SLC25A20: variants seen among roughly 807,000 people sequenced by gnomAD.
The protein encoded by SLC25A20 is mitochondrial carnitine/acylcarnitine carrier protein.
Under a neutral mutation model 39.7 loss-of-function variants are expected in SLC25A20, and 29 were observed. The observed-to-expected ratio is 0.73, with a 90% CI of 0.54 to 1.00. The LOEUF (loss-of-function observed/expected upper bound fraction) is 1.00. Among genes scored for constraint, SLC25A20 ranks in the 50% least tolerant of loss-of-function variants. The pLI is 0.00. For missense variants in SLC25A20, 333 were observed against 379.9 expected (o/e 0.88, Z 1.03); for synonymous variants, 103 against 142.2 (o/e 0.72, Z 1.96).
intron 1 of SLC25A20, among the ~76,000 whole-genome samples, chr3:48,894,173 A>C (rs2083896887): frequency 7.5e-6 from 1 of 133,188 alleles, no homozygotes. Flanking sequence ...AAAAAAAAAA[A>C]AGAAGAAGAT....
intron 4 of SLC25A20, among the ~76,000 whole-genome samples, chr3:48,879,025 T>G (rs1015819182): frequency 1.3e-5 from 2 of 151,904 alleles, no homozygotes; most frequent in Non-Finnish European, 2.9e-5. Context: ...TGCCCACCAC[T>G]ATACCTGGCT....
intron 4 of SLC25A20, among the ~76,000 whole-genome samples, chr3:48,871,175 T>G (rs1417158858): frequency 1.3e-5 from 2 of 151,998 alleles, no homozygotes; most frequent in Non-Finnish European, 2.9e-5. Context: ...CTTCCTGGAT[T>G]GGAGGATTCA....
chr3:48,890,273 G>A (rs1013393309), intron 2 of SLC25A20, among the ~76,000 whole-genome samples: 1 of 151,978 alleles, frequency 6.6e-6, no homozygotes, highest in Non-Finnish European at 1.5e-5. Context: ...TGCAAGCTCC[G>A]CCTCCTGGGT....
chr3:48,877,368 G>A (rs1458951693), intron 4 of SLC25A20, among the ~76,000 whole-genome samples: 1 of 149,954 alleles, frequency 6.7e-6, no homozygotes, highest in Non-Finnish European at 1.5e-5. Flanking sequence ...GAGCCAAGGA[G>A]TGCAATGGCG....
In SLC25A20 at chr3:48,859,570, G is replaced by A; in HGVS notation, c.593C>T (p.Thr198Ile). 1 of 1,613,914 alleles carries A rather than the reference G, an allele frequency of 6.2e-7. No homozygotes were observed. Among genetic ancestry groups the A allele is most frequent in the Non-Finnish European group, 8.5e-7 (1 of 1,179,790 alleles). Residue 198 changes from threonine to isoleucine, a missense_variant, in exon 6 of 9, where the codon ACT (threonine) becomes ATT (isoleucine). Physicochemically the swap from Thr to Ile is moderately conservative, Grantham distance 89 (BLOSUM62 -1). Coordinates refer to ENST00000319017, the MANE Select transcript of SLC25A20 (RefSeq NM_000387.6). ...TTTTCCTCACCTCTTTCCCTCCGGA[G>A]TGAAGATATTTTTCAGCCATTCATA... ...MTYEWLKNIF[T>I]PEGKRVSELS...
chr3:48,884,239 C>T, intron 2 of SLC25A20, 115 bp from the exon 3 acceptor site: 1 of 1,316,868 alleles, frequency 7.6e-7, no homozygotes, highest in South Asian at 1.2e-5. Flanking sequence ...CTTCTTGAAG[C>T]AAGGAGAACT....
At chr3:48,883,562 G>GA (rs71077749) in intron 3 of SLC25A20, among the ~76,000 whole-genome samples, 10,432 of 105,428 alleles carry the variant, frequency 0.099, 520 homozygotes, top group Middle Eastern at 0.16. Context: ...AAAAAAGAAA[G>GA]AAAAAAAAAA....
chr3:48,878,273 A>AAAATAT (rs1274688337), intron 4 of SLC25A20, among the ~76,000 whole-genome samples: 1 of 127,670 alleles, frequency 7.8e-6, no homozygotes, highest in Admixed American at 8.5e-5. Context: ...AAAAAAAAAA[A>AAAATAT]ATATATATAT....
Position 48,884,104 on chromosome 3 carries a change from C to G in SLC25A20, c.219G>C (p.Arg73=). The G allele has an allele frequency of 2.5e-6, 4 of 1,613,646 alleles. No individual in the cohort carries two copies. The highest frequency in any genetic ancestry group is 3.4e-6 in the Non-Finnish European group (4 of 1,179,670). The change falls in exon 3 of 9, where the codon CGG becomes CGC. Residue 73 remains arginine, a synonymous_variant. Coordinates refer to ENST00000319017, the MANE Select transcript of SLC25A20 (RefSeq NM_000387.6). ...LFREGITGLY[R]GMAAPIIGVT... ...CCCCGATGATAGGGGCAGCCATTCCCCGATATAGCCCCGTGATGCCCTGCA... is the reference window on the plus strand; with the variant it reads ...CCCCGATGATAGGGGCAGCCATTCCGCGATATAGCCCCGTGATGCCCTGCA...
chr3:48,890,953 C>T (rs193094662), intron 2 of SLC25A20, among the ~76,000 whole-genome samples: 3 of 152,136 alleles, frequency 2.0e-5, no homozygotes, highest in Non-Finnish European at 2.9e-5. Context: ...CGCGCCCAGC[C>T]ACCCCCTTGT....
At chr3:48,893,004 C>T (rs931843767) in intron 1 of SLC25A20, among the ~76,000 whole-genome samples, 4 of 152,044 alleles carry the variant, frequency 2.6e-5, no homozygotes, top group East Asian at 3.9e-4. Flanking sequence ...TCCATATCTT[C>T]AATACTTATT....
At chr3:48,867,930 G>A (rs1217999484) in intron 4 of SLC25A20, among the ~76,000 whole-genome samples, 1 of 151,854 alleles carries the variant, frequency 6.6e-6, no homozygotes, top group African/African-American at 2.4e-5. Context: ...GCGTGGAGGT[G>A]CATGCCTGTA....
chr3:48,859,624 A>C lies in SLC25A20; in HGVS notation c.539T>G (p.Val180Gly). The stretch of plus-strand genomic sequence containing the variant: ...CATGAAATACATTCCACTAGCTGGG[A>C]CATCTGTTAGTGGCAAGAAAAAGGT... ...KGTVLTLMRD[V>G]PASGMYFMTY... The change falls in exon 6 of 9, where the codon GTC becomes GGC. Residue 180 changes from valine to glycine, a missense_variant. By Grantham distance (109) the Val-to-Gly change is moderately radical. Coordinates refer to ENST00000319017, the MANE Select transcript of SLC25A20 (RefSeq NM_000387.6). 1 of 1,611,336 alleles carries C rather than the reference A, an allele frequency of 6.2e-7. No individual in the cohort carries two copies. The highest frequency in any genetic ancestry group is 8.5e-7 in the Non-Finnish European group (1 of 1,177,458).
chr3:48,889,968 C>G (rs1329402872), intron 2 of SLC25A20, among the ~76,000 whole-genome samples: 1 of 152,136 alleles, frequency 6.6e-6, no homozygotes, highest in Non-Finnish European at 1.5e-5. Context: ...TTGAGGGCTC[C>G]TTGGTCAAGC....
intron 5 of SLC25A20, among the ~76,000 whole-genome samples, chr3:48,862,249 A>G (rs1380724018): frequency 1.3e-5 from 2 of 152,086 alleles, no homozygotes; most frequent in Non-Finnish European, 2.9e-5. Context: ...ACTGTCCCCA[A>G]GTCACACTTT....
Position 48,879,454 on chromosome 3 carries a change from T to C in SLC25A20, c.327-6A>G, listed in dbSNP as rs113818669. On this transcript the variant is annotated splice_polypyrimidine_tract_variant and splice_region_variant and intron_variant, in intron 3 of 8. Transcript: ENST00000319017. ...CTGCAAAAAGCTGGGGATAGCTGCA[T>C]TGAAAACAAAAAGCAGAAGCAAGCA... 34 of 1,611,224 alleles carry C rather than the reference T, an allele frequency of 2.1e-5. No homozygotes were observed. The highest frequency in any genetic ancestry group is 5.0e-5 in the Admixed American group (3 of 59,986).
In SLC25A20 at chr3:48,884,053, G is replaced by A; in HGVS notation, c.270C>T (p.Phe90=). 1 of 1,614,016 alleles carries A rather than the reference G, an allele frequency of 6.2e-7. No homozygotes were observed. The highest frequency in any genetic ancestry group is 1.1e-5 in the South Asian group (1 of 91,088). The change falls in exon 3 of 9, where the codon TTC becomes TTT. Residue 90 remains phenylalanine, a synonymous_variant. Coordinates refer to ENST00000319017, the MANE Select transcript of SLC25A20 (RefSeq NM_000387.6). ...IGVTPMFAVC[F]FGFGLGKKLQ... ...GTTTCTTCCCCAAACCAAACCCAAAGAAGCACACGGCAAACATGGGAGTGA... is the reference window on the plus strand; with the variant it reads ...GTTTCTTCCCCAAACCAAACCCAAAAAAGCACACGGCAAACATGGGAGTGA...
chr3:48,882,535 C>T (rs1241454918), intron 3 of SLC25A20, among the ~76,000 whole-genome samples: 6 of 152,148 alleles, frequency 3.9e-5, no homozygotes, highest in Non-Finnish European at 7.3e-5. Flanking sequence ...ACAAATCTCT[C>T]CAGTAATTGA....
At chr3:48,893,148 C>T (rs539333013) in intron 1 of SLC25A20, among the ~76,000 whole-genome samples, 3 of 152,090 alleles carry the variant, frequency 2.0e-5, no homozygotes, top group South Asian at 2.1e-4. Flanking sequence ...CCACCTCAGC[C>T]CCCCAAGCAG....
Sources: gnomAD v4.1 joint callset for allele counts (sites outside exome capture counted in the v4.1 genomes callset) on GRCh38, gnomAD v4.1.1 for gene constraint, MANE v1.5 for transcripts, NCBI Gene and HGNC (gene_info 2026-07-23, HGNC 2026-07-21) for gene names.